UNC5D: variants seen among roughly 807,000 people sequenced by gnomAD.
The protein encoded by UNC5D is unc-5 netrin receptor D.
UNC5D carries 39 observed loss-of-function variants against 105.4 expected under a neutral mutation model. That is an observed-to-expected ratio of 0.37 (90% CI 0.29 to 0.48). The LOEUF is 0.48. Ranked by LOEUF, UNC5D falls within the 20% of genes least tolerant of loss-of-function variation. UNC5D has a pLI of 0.98. For missense variants in UNC5D, 991 were observed against 1,202.4 expected (o/e 0.82, Z 2.60); for synonymous variants, 452 against 450.4 (o/e 1.00, Z -0.04).
intron 9 of UNC5D, among the ~76,000 whole-genome samples, chr8:35,722,713 T>C (rs1300158032): frequency 6.6e-6 from 1 of 152,188 alleles, no homozygotes; most frequent in East Asian, 1.9e-4. Flanking sequence ...TTTGAGGATG[T>C]ATATTTAATT....
intron 13 of UNC5D, among the ~76,000 whole-genome samples, chr8:35,756,022 T>C (rs780297557): frequency 6.6e-6 from 1 of 152,178 alleles, no homozygotes; most frequent in Non-Finnish European, 1.5e-5. Flanking sequence ...CAGGGAACTA[T>C]GTGTTAAGTG....
At chr8:35,528,435 C>A (rs1425813816) in intron 1 of UNC5D, among the ~76,000 whole-genome samples, 1 of 149,024 alleles carries the variant, frequency 6.7e-6, no homozygotes, top group South Asian at 2.2e-4. Flanking sequence ...TTTTCTTAAT[C>A]CAGTCTATCA....
At chr8:35,352,023 CAG>C (rs896427826) in intron 1 of UNC5D, among the ~76,000 whole-genome samples, 4 of 151,880 alleles carry the variant, frequency 2.6e-5, no homozygotes, top group Admixed American at 1.3e-4. Flanking sequence ...TTCAAAGAAA[CAG>C]AAGATAATCA....
chr8:35,396,191 T>TC (rs1405161628), intron 1 of UNC5D, among the ~76,000 whole-genome samples: 7 of 152,130 alleles, frequency 4.6e-5, no homozygotes, highest in Non-Finnish European at 8.8e-5. Context: ...GATCATTGTG[T>TC]CAGGGGTCCC....
intron 16 of UNC5D, among the ~76,000 whole-genome samples, chr8:35,777,531 A>G (rs989932381): frequency 6.6e-6 from 1 of 152,236 alleles, no homozygotes; most frequent in African/African-American, 2.4e-5. Flanking sequence ...GAAATCATGG[A>G]GTGAAAATGA....
rs1803053656 is a variant in UNC5D, at chr8:35,791,726, G to A, written c.*1163G>A. 6.6e-6 allele frequency: 1 copy of A among 152,108 alleles called. No homozygotes were observed. The highest frequency in any genetic ancestry group is 1.5e-5 in the Non-Finnish European group (1 of 68,018). 9.4% of individuals were successfully genotyped at this position (152,108 alleles called of 1,614,324 possible). A position where few individuals can be genotyped will look rare whatever the true frequency, so the allele number is the denominator to read the frequency against. ...AGGAATCCTCTACCACAGTGTCCCT[G>A]AAACCACATGCATCATTCAGGAAGC... On this transcript the variant is annotated 3_prime_UTR_variant, in exon 17 of 17. Transcript: ENST00000404895.
intron 1 of UNC5D, among the ~76,000 whole-genome samples, chr8:35,425,151 G>C (rs962868776): frequency 6.6e-6 from 1 of 152,100 alleles, no homozygotes; most frequent in Non-Finnish European, 1.5e-5. Context: ...AAACCTGCAC[G>C]TTGTGCACAT....
intron 4 of UNC5D, among the ~76,000 whole-genome samples, chr8:35,654,783 A>G (rs909426309): frequency 5.9e-5 from 9 of 152,136 alleles, no homozygotes; most frequent in Non-Finnish European, 1.2e-4. Flanking sequence ...CATACTTTCC[A>G]TGACTTGAGT....
chr8:35,372,204 AC>A (rs1802462669), intron 1 of UNC5D, among the ~76,000 whole-genome samples: 1 of 152,046 alleles, frequency 6.6e-6, no homozygotes, highest in Non-Finnish European at 1.5e-5. Context: ...GCTCACTGCA[AC>A]CTTCACCCAC....
intron 1 of UNC5D, among the ~76,000 whole-genome samples, chr8:35,317,791 C>G (rs959758682): frequency 7.1e-6 from 1 of 140,656 alleles, no homozygotes; most frequent in South Asian, 2.3e-4. Context: ...TTATCATATT[C>G]CAGGCTAATA....
intron 1 of UNC5D, among the ~76,000 whole-genome samples, chr8:35,331,623 G>C (rs1210252228): frequency 3.9e-5 from 6 of 152,096 alleles, no homozygotes; most frequent in African/African-American, 7.2e-5. Context: ...ATCCTTGGAG[G>C]GGGTGCTCTG....
chr8:35,421,117 G>A (rs1389850931), intron 1 of UNC5D, among the ~76,000 whole-genome samples: 1 of 152,050 alleles, frequency 6.6e-6, no homozygotes, highest in Non-Finnish European at 1.5e-5. Context: ...CCATATCAAG[G>A]TTTGCTCTCA....
At position 35,583,310 on chromosome 8, in the gene UNC5D, A is replaced by T. The variant is rs1045774676; in HGVS notation, c.467-12244A>T. ...TTAAGCTGTAGTTAGCTATGATCGCACCACTGCACTCCAACTTGGGTGACA... is the reference window on the plus strand; with the variant it reads ...TTAAGCTGTAGTTAGCTATGATCGCTCCACTGCACTCCAACTTGGGTGACA... On this transcript the variant is annotated intron_variant, in intron 3 of 16. Transcript: ENST00000404895. Among the ~76,000 whole-genome samples the T allele has an allele frequency of 1.3e-5, 2 of 152,124 alleles. 1 individual carries two copies. The highest frequency in any genetic ancestry group is 1.3e-4 in the Admixed American group (2 of 15,266).
chr8:35,317,623 C>T (rs538324961), intron 1 of UNC5D, among the ~76,000 whole-genome samples: 4 of 152,168 alleles, frequency 2.6e-5, no homozygotes, highest in African/African-American at 7.2e-5. Context: ...ACATTCCTAT[C>T]GATCTGCGGT....
chr8:35,295,360 T>G (rs1039659857), intron 1 of UNC5D, among the ~76,000 whole-genome samples: 1 of 152,210 alleles, frequency 6.6e-6, no homozygotes, highest in Non-Finnish European at 1.5e-5. Context: ...ATTTTTAAAA[T>G]ACATGGTTCA....
chr8:35,483,853 TA>T (rs1810656081), intron 1 of UNC5D, among the ~76,000 whole-genome samples: 1 of 152,202 alleles, frequency 6.6e-6, no homozygotes, highest in Non-Finnish European at 1.5e-5. Flanking sequence ...ATGTTTTAAT[TA>T]TTTTTTTCTT....
intron 1 of UNC5D, among the ~76,000 whole-genome samples, chr8:35,353,687 T>C (rs78717324): frequency 0.036 from 5,405 of 152,116 alleles, 110 homozygotes; most frequent in Middle Eastern, 0.048. Flanking sequence ...ATTATTATTC[T>C]TAAAAAGAAG....
At chr8:35,435,991 T>C (rs772026795) in intron 1 of UNC5D, among the ~76,000 whole-genome samples, 1 of 152,076 alleles carries the variant, frequency 6.6e-6, no homozygotes, top group Non-Finnish European at 1.5e-5. Flanking sequence ...ATAGAAGATA[T>C]GGATTTTATT....
intron 1 of UNC5D, among the ~76,000 whole-genome samples, chr8:35,295,805 G>A (rs1448625114): frequency 6.6e-6 from 1 of 152,132 alleles, no homozygotes; most frequent in Non-Finnish European, 1.5e-5. Flanking sequence ...CTGAAAGTTT[G>A]CAGCCTTTCA....
Sources: gnomAD v4.1 joint callset for allele counts (sites outside exome capture counted in the v4.1 genomes callset) on GRCh38, gnomAD v4.1.1 for gene constraint, MANE v1.5 for transcripts, NCBI Gene and HGNC (gene_info 2026-07-23, HGNC 2026-07-21) for gene names.